The following C4orf50 variants were observed in gnomAD, a reference collection of about 807,000 sequenced individuals.
The protein encoded by C4orf50 is uncharacterized protein C4orf50.
In C4orf50, 80 loss-of-function variants were observed where a neutral mutation model predicts 77.2. That is an observed-to-expected ratio of 1.04 (90% CI 0.87 to 1.25). The LOEUF (loss-of-function observed/expected upper bound fraction) is 1.25. Ranked by LOEUF, C4orf50 falls within the 50% of genes most tolerant of loss-of-function variation. The pLI, the probability that C4orf50 is intolerant of heterozygous loss-of-function variation, is 0.00. For synonymous variants in C4orf50, 532 were observed against 465.3 expected (o/e 1.14, Z -1.84); for missense variants, 1,257 against 1,152.9 (o/e 1.09, Z -1.31).
rs1364740610 is a variant in C4orf50, at chr4:5,932,824, C to T, written c.*2474+24077G>A. Reference sequence around the variant, plus strand: ...GGCATCTTTTTTGAACTTCAGTTTCCTTCTGCACAGAGGAGAATATTACTA... The same window carrying T: ...GGCATCTTTTTTGAACTTCAGTTTCTTTCTGCACAGAGGAGAATATTACTA... On this transcript the variant is annotated intron_variant, in intron 7 of 7. Transcript: ENST00000324058. This position sits in a 1 kb window ranked among gnomAD's most constrained non-coding sequence, Gnocchi z 4.2. Among the ~76,000 whole-genome samples, 1 of 152,154 alleles carries T rather than the reference C, an allele frequency of 6.6e-6. No homozygotes were observed. Among genetic ancestry groups the T allele is most frequent in the Non-Finnish European group, 1.5e-5 (1 of 68,018 alleles).
intron 7 of C4orf50, among the ~76,000 whole-genome samples, chr4:5,949,945 C>T (rs1275884436): frequency 6.8e-6 from 1 of 147,130 alleles, no homozygotes; most frequent in African/African-American, 2.5e-5. Context: ...GCCAAGATCG[C>T]GCCATTGCAC....
chr4:5,988,592 A>G, exon 28 of C4orf50: 1 of 1,536,348 alleles, frequency 6.5e-7, no homozygotes, highest in Non-Finnish European at 8.7e-7. Flanking sequence ...TCCTCCTCCA[A>G]GGGTGGCCCA....
chr4:5,946,190 G>C (rs1000714405), intron 7 of C4orf50, among the ~76,000 whole-genome samples: 3 of 152,134 alleles, frequency 2.0e-5, no homozygotes, highest in Non-Finnish European at 4.4e-5. Context: ...CCCTGAGCAG[G>C]ACACACCCTC....
At chr4:5,897,829 G>A (rs374029621) in exon 8 of C4orf50, 1 of 152,306 alleles carries the variant, frequency 6.6e-6, no homozygotes, top group East Asian at 1.9e-4. Flanking sequence ...TTTCACTGCA[G>A]GCAGGCCCCG....
At chr4:5,906,223 A>G (rs1484236265) in intron 7 of C4orf50, among the ~76,000 whole-genome samples, 1 of 149,434 alleles carries the variant, frequency 6.7e-6, no homozygotes, top group Non-Finnish European at 1.5e-5. Flanking sequence ...TGGCATGGAG[A>G]GAAGTGGGGG....
Position 6,011,847 on chromosome 4 carries a change from C to G in C4orf50, c.409G>C (p.Gly137Arg), listed in dbSNP as rs556325899. Residue 137 changes from glycine to arginine, a missense_variant, in exon 24 of 34, where the codon GGG becomes CGG. Coordinates refer to ENST00000531445, the Ensembl canonical transcript of C4orf50. The surrounding 1 kb of genome is among the most constrained non-coding windows in gnomAD (Gnocchi z 4.2). Reference sequence around the variant, plus strand: ...AACGGTACCTGGCTGGCCAGCTCCCCCTGCAGCGCCGCCAGCTTCTCCTGG... The same window carrying G: ...AACGGTACCTGGCTGGCCAGCTCCCGCTGCAGCGCCGCCAGCTTCTCCTGG... The G allele has an allele frequency of 7.0e-5, 28 of 399,116 alleles. No individual in the cohort carries two copies. In the South Asian group the frequency reaches 3.1e-3, roughly 44 times the overall value. 24.7% of individuals were successfully genotyped at this position (399,116 alleles called of 1,614,324 possible).
At chr4:5,955,228 A>G (rs1718901489), downstream of C4orf50, among the ~76,000 whole-genome samples, 1 of 152,126 alleles carries the variant, frequency 6.6e-6, no homozygotes, top group Non-Finnish European at 1.5e-5. This position sits in a 1 kb window ranked among gnomAD's most constrained non-coding sequence, Gnocchi z 5.1. Context: ...CGCTTCACAG[A>G]TGCTAACCCA....
chr4:5,930,464 T>A (rs1717717768), intron 7 of C4orf50, among the ~76,000 whole-genome samples: 1 of 152,196 alleles, frequency 6.6e-6, no homozygotes, highest in African/African-American at 2.4e-5. Context: ...CCCTTTCTTA[T>A]GTTCAGCTGA....
intron 31 of C4orf50, among the ~76,000 whole-genome samples, chr4:5,968,618 T>C (rs1157834693): frequency 6.6e-6 from 1 of 152,212 alleles, no homozygotes; most frequent in Admixed American, 6.5e-5. Flanking sequence ...TCCTTCCAGC[T>C]GTTAAATCCT....
At chr4:5,928,108 G>T (rs1037636109) in intron 7 of C4orf50, among the ~76,000 whole-genome samples, 1 of 152,112 alleles carries the variant, frequency 6.6e-6, no homozygotes, top group Non-Finnish European at 1.5e-5. Flanking sequence ...AATGTTTATG[G>T]TCCTCTATAA....
intron 28 of C4orf50, among the ~76,000 whole-genome samples, chr4:5,984,033 A>G (rs1051914743): frequency 6.6e-6 from 1 of 152,224 alleles, no homozygotes; most frequent in African/African-American, 2.4e-5. Flanking sequence ...CAAAATGGAG[A>G]GCACTTGGTG....
At chr4:5,988,413 C>G in exon 28 of C4orf50, 1 of 1,610,916 alleles carries the variant, frequency 6.2e-7, no homozygotes, top group African/African-American at 1.4e-5. Flanking sequence ...GCCTCTTCTC[C>G]TCTTTCTCCA....
At chr4:5,934,143 C>T (rs1717894266) in intron 7 of C4orf50, among the ~76,000 whole-genome samples, 1 of 152,146 alleles carries the variant, frequency 6.6e-6, no homozygotes, top group Non-Finnish European at 1.5e-5. Flanking sequence ...GTCTCCTCAT[C>T]TGTAAGAAGG....
intron 29 of C4orf50, among the ~76,000 whole-genome samples, chr4:5,978,323 A>T (rs377338145): frequency 6.6e-6 from 1 of 152,094 alleles, no homozygotes; most frequent in East Asian, 1.9e-4. Flanking sequence ...TGAGAACTAT[A>T]AAAAAAAGAA....
intron 7 of C4orf50, among the ~76,000 whole-genome samples, chr4:5,926,411 C>T (rs1332199840): frequency 5.3e-5 from 8 of 152,024 alleles, no homozygotes; most frequent in Non-Finnish European, 1.0e-4. Flanking sequence ...GGAAAGTGGA[C>T]CGCCGGATGT....
At chr4:5,947,697 C>G (rs1285969253) in intron 7 of C4orf50, among the ~76,000 whole-genome samples, 1 of 152,114 alleles carries the variant, frequency 6.6e-6, no homozygotes, top group Non-Finnish European at 1.5e-5. Context: ...TTCACCCCCA[C>G]TGGAGCCCTG....
At chr4:5,962,968 C>T (rs993807401) in intron 33 of C4orf50, among the ~76,000 whole-genome samples, 5 of 151,780 alleles carry the variant, frequency 3.3e-5, no homozygotes, top group Non-Finnish European at 5.9e-5. Flanking sequence ...GTACTCCCTT[C>T]GCCTAAAATA....
Position 6,014,063 on chromosome 4 carries a change from C to T in C4orf50, c.288-2095G>A, listed in dbSNP as rs576563968. On this transcript the variant is annotated intron_variant, in intron 23 of 33. Coordinates refer to ENST00000531445, the Ensembl canonical transcript of C4orf50. Reference sequence around the variant, plus strand: ...TGTTGCCCAGGCTGGAGTGCAATGGCGTGATCTCGGCTCACCACAACCTCT... The same window carrying T: ...TGTTGCCCAGGCTGGAGTGCAATGGTGTGATCTCGGCTCACCACAACCTCT... Among the ~76,000 whole-genome samples the T allele has an allele frequency of 4.4e-4, 66 of 149,818 alleles. 2 individuals carry two copies. The highest frequency in any genetic ancestry group is 1.5e-3 in the African/African-American group (60 of 40,788).
exon 28 of C4orf50, chr4:5,988,744 C>T (rs1721036730): frequency 6.5e-7 from 1 of 1,536,106 alleles, no homozygotes; most frequent in Non-Finnish European, 8.7e-7. Context: ...GGTGACTTCC[C>T]TCTCCAGGAC....
Sources: allele counts gnomAD v4.1 joint callset (sites outside exome capture counted in the v4.1 genomes callset), GRCh38; gene constraint gnomAD v4.1.1; non-coding constraint Gnocchi (gnomAD v3.1); transcripts MANE v1.5; gene names NCBI Gene and HGNC (gene_info 2026-07-23, HGNC 2026-07-21).